PMP22: variants seen among roughly 807,000 people sequenced by gnomAD.
PMP22 encodes the protein peripheral myelin protein 22, also known as Charcot-Marie-Tooth neuropathy 1A (greatly reduced nerve conduction velocity, hereditary motor sensory neuropathy Ia).
Under a neutral mutation model 18.9 loss-of-function variants are expected in PMP22, and 2 were observed. That is an observed-to-expected ratio of 0.11 (90% CI 0.04 to 0.33). The LOEUF is 0.33. Ranked by LOEUF, PMP22 falls within the 10% of genes least tolerant of loss-of-function variation. PMP22 has a pLI of 1.00. For missense variants in PMP22, 169 were observed against 202.2 expected (o/e 0.84, Z 1.00); for synonymous variants, 95 against 89.2 (o/e 1.07, Z -0.37).
At chr17:15,246,793 C>T (rs1392386208) in intron 3 of PMP22, among the ~76,000 whole-genome samples, 4 of 152,182 alleles carry the variant, frequency 2.6e-5, no homozygotes, top group South Asian at 4.1e-4. Flanking sequence ...AAGCTCTGGC[C>T]GGGCGTGGTG....
At chr17:15,251,319 T>C (rs1460626791) in intron 3 of PMP22, among the ~76,000 whole-genome samples, 1 of 152,124 alleles carries the variant, frequency 6.6e-6, no homozygotes, top group African/African-American at 2.4e-5. Flanking sequence ...CTACCCATAG[T>C]GATGCATGTA....
At chr17:15,251,017 T>C (rs1179713718) in intron 3 of PMP22, among the ~76,000 whole-genome samples, 2 of 152,206 alleles carry the variant, frequency 1.3e-5, no homozygotes, top group African/African-American at 4.8e-5. Context: ...CCTTCAATGA[T>C]GTCCCAACTG....
intron 3 of PMP22, among the ~76,000 whole-genome samples, chr17:15,252,800 A>G (rs1413389810): frequency 6.6e-6 from 1 of 152,216 alleles, no homozygotes; most frequent in Non-Finnish European, 1.5e-5. Context: ...TTTACTGAAG[A>G]CAAACTGCCT....
At chr17:15,255,971 T>C (rs1175823404) in intron 3 of PMP22, among the ~76,000 whole-genome samples, 1 of 152,136 alleles carries the variant, frequency 6.6e-6, no homozygotes, top group Non-Finnish European at 1.5e-5. Context: ...GCATTCCAGA[T>C]CCTTGTATTC....
At chr17:15,249,545 G>C (rs1469530369) in intron 3 of PMP22, among the ~76,000 whole-genome samples, 1 of 152,122 alleles carries the variant, frequency 6.6e-6, no homozygotes. Flanking sequence ...AACTAGAGAG[G>C]GTGGAAGGAG....
intron 3 of PMP22, among the ~76,000 whole-genome samples, chr17:15,255,054 T>C (rs1184768711): frequency 1.3e-5 from 2 of 152,048 alleles, no homozygotes; most frequent in Non-Finnish European, 2.9e-5. Flanking sequence ...GAAGAGCCCA[T>C]GTGAGAATGG....
chr17:15,253,131 C>T lies in PMP22; in HGVS notation c.178+5963G>A, dbSNP rs1908507997. On this transcript the variant is annotated intron_variant, in intron 3 of 4. Coordinates refer to ENST00000312280, the MANE Select transcript of PMP22 (RefSeq NM_000304.4). ...ATAGGGTCTTGGGGAGGAGGCTTGGCACACCCCTCCCCCTCACCAGAGCCT... is the reference window on the plus strand; with the variant it reads ...ATAGGGTCTTGGGGAGGAGGCTTGGTACACCCCTCCCCCTCACCAGAGCCT... Among the ~76,000 whole-genome samples, 3 of 152,148 alleles carry T rather than the reference C, an allele frequency of 2.0e-5. No individual in the cohort carries two copies. The South Asian group carries it at 6.2e-4, about 32-fold the overall frequency.
intron 3 of PMP22, among the ~76,000 whole-genome samples, chr17:15,256,291 C>A (rs1908819402): frequency 6.6e-6 from 1 of 152,080 alleles, no homozygotes; most frequent in Non-Finnish European, 1.5e-5. Context: ...GAGTGGCAAC[C>A]CCCAGAGAGA....
Position 15,261,031 on chromosome 17 carries a change from A to G in PMP22, c.-34-270T>C, listed in dbSNP as rs575107826. On this transcript the variant is annotated intron_variant, in intron 1 of 4. Transcript: ENST00000312280. This position sits in a 1 kb window ranked among gnomAD's most constrained non-coding sequence, Gnocchi z 5.2. ...TTTGGAAACAAAACAAGCGGTTCGC[A>G]CGTCTAAAACCACCCAGGGAACGGA... is the stretch of plus-strand genomic sequence containing the variant. The G allele has an allele frequency of 9.2e-6, 2 of 216,382 alleles. No individual in the cohort carries two copies. Among genetic ancestry groups the G allele is most frequent in the South Asian group, 1.5e-4 (1 of 6,478 alleles). The allele number at this position is 216,382 out of a possible 1,614,324, so 13.4% of individuals were successfully genotyped here.
chr17:15,241,032 G>A lies in PMP22; in HGVS notation c.179-1421C>T, dbSNP rs1039765128. 2.6e-5 allele frequency among the ~76,000 whole-genome samples: 4 copies of A among 152,306 alleles called. No individual in the cohort carries two copies. The East Asian group carries it at 7.7e-4, about 29-fold the overall frequency. ...TATTTTAGAGTTGGAAGAAACCTGA[G>A]AGATCAACTAGTCCAGCTCCTTTGC... is the stretch of plus-strand genomic sequence containing the variant. On this transcript the variant is annotated intron_variant, in intron 3 of 4. Transcript: ENST00000312280.
In PMP22 at chr17:15,247,231, T is replaced by C. The variant is rs542439577; in HGVS notation, c.179-7620A>G. Among the ~76,000 whole-genome samples the C allele has an allele frequency of 2.7e-3, 403 of 152,058 alleles. 1 individual carries two copies. In the Middle Eastern group the frequency reaches 0.027, roughly 10 times the overall value. On this transcript the variant is annotated intron_variant, in intron 3 of 4. Transcript: ENST00000312280. ...AAAAATACAAAAAATTAGCTGGGCGTGGTGGCGGGCACCTGTAGTCCCAAC... is the reference window on the plus strand; with the variant it reads ...AAAAATACAAAAAATTAGCTGGGCGCGGTGGCGGGCACCTGTAGTCCCAAC...
At chr17:15,233,234 GC>G (rs1906503918) in intron 4 of PMP22, among the ~76,000 whole-genome samples, 1 of 152,162 alleles carries the variant, frequency 6.6e-6, no homozygotes, top group South Asian at 2.1e-4. Context: ...GGTCCCTGTG[GC>G]AAGGGTAAGT....
intron 3 of PMP22, among the ~76,000 whole-genome samples, chr17:15,257,567 G>A (rs924596057): frequency 6.6e-6 from 1 of 152,202 alleles, no homozygotes; most frequent in Admixed American, 6.5e-5. Flanking sequence ...GGAGTGCTCC[G>A]GGAACTTCAG....
intron 3 of PMP22, among the ~76,000 whole-genome samples, chr17:15,257,083 A>C (rs1004848542): frequency 2.0e-5 from 3 of 152,216 alleles, no homozygotes; most frequent in African/African-American, 7.2e-5. Flanking sequence ...CCTCACGGAA[A>C]GCAACGAGGC....
chr17:15,260,887 C>A (rs1213948373), intron 1 of PMP22, 126 bp from the exon 2 acceptor site: 3 of 658,524 alleles, frequency 4.6e-6, no homozygotes, highest in Non-Finnish European at 7.8e-6. Context: ...CCCGACCGCC[C>A]GCGCGGGTCA....
intron 3 of PMP22, 57 bp from the exon 4 acceptor site, chr17:15,239,668 CCTCG>C: frequency 1.3e-6 from 2 of 1,593,996 alleles, no homozygotes; most frequent in South Asian, 2.2e-5. Flanking sequence ...GAGGGCTCTG[CCTCG>C]AGGTGCAGGG....
At chr17:15,253,405 A>C (rs1908534460) in intron 3 of PMP22, among the ~76,000 whole-genome samples, 1 of 152,242 alleles carries the variant, frequency 6.6e-6, no homozygotes, top group Non-Finnish European at 1.5e-5. Flanking sequence ...AGTGATAAGA[A>C]TCCCGTCACC....
Position 15,230,703 on chromosome 17 carries a change from T to C in PMP22, c.*214A>G. 1.7e-6 allele frequency: 1 copy of C among 589,342 alleles called. No individual in the cohort carries two copies. The highest frequency in any genetic ancestry group is 1.9e-5 in the African/African-American group (1 of 53,774). 36.5% of individuals were successfully genotyped at this position (589,342 alleles called of 1,614,324 possible). A position where few individuals can be genotyped will look rare whatever the true frequency, so the allele number is the denominator to read the frequency against. On this transcript the variant is annotated 3_prime_UTR_variant, in exon 5 of 5. Coordinates refer to ENST00000312280, the MANE Select transcript of PMP22 (RefSeq NM_000304.4). ...AACATAAAAAGCAAACAATACTATG[T>C]ACATATATGTAAAAAGTGTTATAAA...
intron 2 of PMP22, 116 bp from the exon 3 acceptor site, chr17:15,259,309 C>A: frequency 1.3e-6 from 1 of 792,722 alleles, no homozygotes; most frequent in African/African-American, 1.7e-5. Context: ...AGCCACACCG[C>A]CCACCCCTGC....
Sources: gnomAD v4.1 joint callset for allele counts (sites outside exome capture counted in the v4.1 genomes callset) on GRCh38, gnomAD v4.1.1 for gene constraint, Gnocchi (gnomAD v3.1) non-coding constraint, MANE v1.5 for transcripts, NCBI Gene and HGNC (gene_info 2026-07-23, HGNC 2026-07-21) for gene names.